Variants in ATRNL1 observed in about 807,000 individuals in gnomAD.
ATRNL1 encodes attractin like 1.
Under a neutral mutation model 182.7 loss-of-function variants are expected in ATRNL1, and 95 were observed. The observed-to-expected ratio is 0.52, with a 90% CI of 0.44 to 0.62. The LOEUF (loss-of-function observed/expected upper bound fraction) is 0.62. ATRNL1 is among the 20% of genes least tolerant of loss of function. The pLI, the probability that ATRNL1 is intolerant of heterozygous loss-of-function variation, is 0.00. For missense variants in ATRNL1, 1,471 were observed against 1,679.5 expected (o/e 0.88, Z 2.17); for synonymous variants, 576 against 568.3 (o/e 1.01, Z -0.19).
intron 27 of ATRNL1, among the ~76,000 whole-genome samples, chr10:115,729,526 T>TGC (rs1947723041): frequency 6.6e-6 from 1 of 151,622 alleles, no homozygotes; most frequent in African/African-American, 2.4e-5. Flanking sequence ...TGTGTGTGTG[T>TGC]GTGTGTGTGT....
intron 26 of ATRNL1, among the ~76,000 whole-genome samples, chr10:115,601,134 A>G (rs1711542398): frequency 6.6e-6 from 1 of 151,868 alleles, no homozygotes; most frequent in African/African-American, 2.4e-5. Context: ...TTGGCTCATG[A>G]CTTACTTAAA....
intron 20 of ATRNL1, among the ~76,000 whole-genome samples, chr10:115,409,442 C>T (rs1845025341): frequency 1.3e-5 from 2 of 152,058 alleles, no homozygotes; most frequent in African/African-American, 4.8e-5. Flanking sequence ...ATTCATTCAG[C>T]AGTTCTATTA....
At chr10:115,536,460 C>T (rs1242167490) in intron 25 of ATRNL1, among the ~76,000 whole-genome samples, 1 of 152,168 alleles carries the variant, frequency 6.6e-6, no homozygotes, top group Non-Finnish European at 1.5e-5. Flanking sequence ...TTAAGCCCGT[C>T]GGAAATGCGC....
intron 26 of ATRNL1, among the ~76,000 whole-genome samples, chr10:115,653,597 T>A (rs543467572): frequency 1.3e-5 from 2 of 152,288 alleles, no homozygotes; most frequent in South Asian, 4.1e-4. Context: ...CTGGTTATCA[T>A]TGTTTTCTGG....
At position 115,171,235 on chromosome 10, in the gene ATRNL1, A is replaced by G. The variant is rs1847278611; in HGVS notation, c.1291A>G (p.Ile431Val). 1 of 1,609,864 alleles carries G rather than the reference A, an allele frequency of 6.2e-7. No homozygotes were observed. The highest frequency in any genetic ancestry group is 1.7e-5 in the Admixed American group (1 of 59,816). ...LDSRDVVMII[I>V]FGYSAIYGYT... ...TAGTAGAGATGTTGTCATGATCATA[A>G]TATTTGGATATTCTGCAATATATGG... Residue 431 changes from isoleucine to valine, a missense_variant, in exon 8 of 29, where the codon ATA (isoleucine) becomes GTA (valine). By Grantham distance (29) the Ile-to-Val change is conservative (BLOSUM62 3). Transcript: ENST00000355044.
chr10:115,786,596 C>T (rs1555080473), intron 27 of ATRNL1, among the ~76,000 whole-genome samples: 1 of 152,154 alleles, frequency 6.6e-6, no homozygotes, highest in African/African-American at 2.4e-5. Context: ...TAAGGCTCAT[C>T]CTAACACAAT....
intron 20 of ATRNL1, among the ~76,000 whole-genome samples, chr10:115,405,301 T>G (rs560292860): frequency 6.6e-6 from 1 of 152,308 alleles, no homozygotes; most frequent in South Asian, 2.1e-4. Flanking sequence ...TTTATCAAAA[T>G]ATGGACTCTC....
At chr10:115,136,097 C>T (rs1790817949) in intron 5 of ATRNL1, among the ~76,000 whole-genome samples, 1 of 151,822 alleles carries the variant, frequency 6.6e-6, no homozygotes, top group African/African-American at 2.4e-5. Flanking sequence ...CTCCTGGGCT[C>T]CAGTGATCCT....
At chr10:115,094,487 C>G (rs887976039) in intron 1 of ATRNL1, among the ~76,000 whole-genome samples, 2 of 152,352 alleles carry the variant, frequency 1.3e-5, no homozygotes, top group African/African-American at 2.4e-5. Flanking sequence ...GAGTGCCTCT[C>G]TCTTTCCCCA....
chr10:115,776,965 A>G (rs1949143225), intron 27 of ATRNL1, among the ~76,000 whole-genome samples: 1 of 152,172 alleles, frequency 6.6e-6, no homozygotes, highest in Non-Finnish European at 1.5e-5. Flanking sequence ...TTCTCAGTAC[A>G]GATAAGCATA....
intron 26 of ATRNL1, among the ~76,000 whole-genome samples, chr10:115,682,667 C>G (rs1946086156): frequency 2.7e-5 from 4 of 146,070 alleles, no homozygotes; most frequent in African/African-American, 1.1e-4. Flanking sequence ...ATAGATAATA[C>G]ATATGATGAT....
intron 28 of ATRNL1, among the ~76,000 whole-genome samples, chr10:115,919,255 A>G (rs1166717254): frequency 6.6e-6 from 1 of 152,212 alleles, no homozygotes; most frequent in Non-Finnish European, 1.5e-5. Context: ...CACACAAGTA[A>G]GTAAGTTAAC....
At chr10:115,187,973 C>G (rs1192762961) in intron 8 of ATRNL1, among the ~76,000 whole-genome samples, 2 of 149,574 alleles carry the variant, frequency 1.3e-5, no homozygotes, top group East Asian at 2.0e-4. Flanking sequence ...AGCCACCGCA[C>G]CCAGCTGGTT....
intron 26 of ATRNL1, among the ~76,000 whole-genome samples, chr10:115,617,716 A>G (rs1555021283): frequency 6.6e-6 from 1 of 152,134 alleles, no homozygotes; most frequent in Non-Finnish European, 1.5e-5. Flanking sequence ...CTTGTCTCAG[A>G]TGAGACTGGA....
At chr10:115,583,138 G>C (rs1294503866) in intron 26 of ATRNL1, among the ~76,000 whole-genome samples, 1 of 149,928 alleles carries the variant, frequency 6.7e-6, no homozygotes, top group Non-Finnish European at 1.5e-5. Context: ...ATGCTGTTTT[G>C]GTTACTGTAT....
intron 14 of ATRNL1, 85 bp from the exon 15 acceptor site, chr10:115,286,131 C>A: frequency 3.1e-6 from 2 of 637,934 alleles, no homozygotes; most frequent in South Asian, 2.1e-5. Context: ...ATAATTTAAA[C>A]AAATACAGAA....
chr10:115,255,740 G>T (rs192485887), intron 10 of ATRNL1, among the ~76,000 whole-genome samples: 3,402 of 152,104 alleles, frequency 0.022, 48 homozygotes, highest in South Asian at 0.035. Context: ...ATGCTTCCAG[G>T]TTTTGCCCAT....
At chr10:115,195,044 CT>C (rs1242753810) in intron 8 of ATRNL1, among the ~76,000 whole-genome samples, 3 of 151,858 alleles carry the variant, frequency 2.0e-5, no homozygotes, top group African/African-American at 7.2e-5. Context: ...ATATTTATAT[CT>C]TTTTATACAG....
chr10:115,321,369 G>A (rs1854576497), intron 18 of ATRNL1, among the ~76,000 whole-genome samples: 1 of 152,110 alleles, frequency 6.6e-6, no homozygotes, highest in South Asian at 2.1e-4. Flanking sequence ...ATATGTGAGG[G>A]CTTATTTATG....
Sources: allele counts gnomAD v4.1 joint callset (sites outside exome capture counted in the v4.1 genomes callset), GRCh38; gene constraint gnomAD v4.1.1; transcripts MANE v1.5; gene names NCBI Gene and HGNC (gene_info 2026-07-23, HGNC 2026-07-21).